SH3D19: variants seen among roughly 807,000 people sequenced by gnomAD.
SH3D19 encodes the protein SH3 domain-containing protein 19.
In SH3D19, 58 loss-of-function variants were observed where a neutral mutation model predicts 112.1. That is an observed-to-expected ratio of 0.52 (90% CI 0.42 to 0.64). SH3D19 has a LOEUF of 0.64. Among genes scored for constraint, SH3D19 ranks in the 30% least tolerant of loss-of-function variants. SH3D19 has a pLI of 0.00. For synonymous variants in SH3D19, 391 were observed against 448.5 expected (o/e 0.87, Z 1.62); for missense variants, 1,090 against 1,263.4 (o/e 0.86, Z 2.08).
rs34219685 is a variant in SH3D19, at chr4:151,148,254, T to TACACACAC, written c.1818-76_1818-69dup. The TACACACAC allele has an allele frequency of 3.9e-3, 3,860 of 983,470 alleles. 94 individuals are homozygous for TACACACAC. The African/African-American group carries it at 0.058, about 15-fold the overall frequency. The allele number at this position is 983,470 out of a possible 1,614,324, so 60.9% of individuals were successfully genotyped here. ...TATTAAATTCTGTCCTGTCCTGTCT[T>TACACACAC]ACACACACACACACACACACACACA... On this transcript the variant is annotated intron_variant, in intron 10 of 19. Transcript: ENST00000604030.
At chr4:151,267,523 G>A (rs1772901031) in intron 1 of SH3D19, among the ~76,000 whole-genome samples, 1 of 152,034 alleles carries the variant, frequency 6.6e-6, no homozygotes, top group Non-Finnish European at 1.5e-5. Flanking sequence ...TTTTCCTTCT[G>A]AATAGATAAA....
intron 1 of SH3D19, among the ~76,000 whole-genome samples, chr4:151,269,076 A>T (rs1773036450): frequency 6.6e-6 from 1 of 152,154 alleles, no homozygotes; most frequent in Non-Finnish European, 1.5e-5. Flanking sequence ...AAGTGTTCCT[A>T]TTTCTCCACA....
chr4:151,227,635 T>C, intron 1 of SH3D19: 1 of 449,240 alleles, frequency 2.2e-6, no homozygotes, highest in Non-Finnish European at 2.9e-6. Flanking sequence ...AAATCATTTC[T>C]CTCAATCATT....
chr4:151,277,887 A>C (rs1467228950), intron 1 of SH3D19, among the ~76,000 whole-genome samples: 1 of 152,122 alleles, frequency 6.6e-6, no homozygotes, highest in East Asian at 1.9e-4. Flanking sequence ...CAAAAAATAC[A>C]AAAATTAGCC....
chr4:151,316,799 G>A (rs1460051752), intron 1 of SH3D19, among the ~76,000 whole-genome samples: 3 of 152,190 alleles, frequency 2.0e-5, no homozygotes, highest in Non-Finnish European at 4.4e-5. Flanking sequence ...GCAAGGACTC[G>A]TTCCAGCTGC....
At chr4:151,127,795 C>G in intron 18 of SH3D19, 80 bp from the exon 19 acceptor site, 2 of 741,616 alleles carry the variant, frequency 2.7e-6, no homozygotes, top group Admixed American at 7.5e-5. Flanking sequence ...AAAAAAAACG[C>G]TTATCGCTCT....
At chr4:151,207,395 T>C (rs1288348387) in intron 2 of SH3D19, among the ~76,000 whole-genome samples, 1 of 152,192 alleles carries the variant, frequency 6.6e-6, no homozygotes, top group Non-Finnish European at 1.5e-5. Flanking sequence ...GTGGCCTATC[T>C]TTTCCTACTT....
At position 151,174,767 on chromosome 4, in the gene SH3D19, G is replaced by C. The variant is rs1203875523; in HGVS notation, c.1437C>G (p.Pro479=). The C allele has an allele frequency of 1.3e-6, 2 of 1,538,886 alleles. No individual in the cohort carries two copies. The highest frequency in any genetic ancestry group is 2.8e-5 in the African/African-American group (2 of 72,158). Residue 479 remains proline, a synonymous_variant, in exon 7 of 20, where the codon CCC becomes CCG. Coordinates refer to ENST00000604030, the MANE Select transcript of SH3D19 (RefSeq NM_001378122.1). ...AGCTGATGAGATCGATGTCCACCAAGGGCTTGCTCTGCAGAACTGGAACTG... is the reference window on the plus strand; with the variant it reads ...AGCTGATGAGATCGATGTCCACCAACGGCTTGCTCTGCAGAACTGGAACTG... ...NPPVPVLQSK[P]LVDIDLISFD...
At chr4:151,168,593 C>A (rs934133080) in intron 7 of SH3D19, among the ~76,000 whole-genome samples, 3 of 151,932 alleles carry the variant, frequency 2.0e-5, no homozygotes, top group Admixed American at 2.0e-4. Flanking sequence ...TGCCACCATG[C>A]CTGGCTAATT....
At chr4:151,212,571 C>T (rs571293417) in intron 2 of SH3D19, among the ~76,000 whole-genome samples, 1 of 152,296 alleles carries the variant, frequency 6.6e-6, no homozygotes, top group South Asian at 2.1e-4. Flanking sequence ...ATATTTTAAG[C>T]CCACTCTTGA....
At chr4:151,208,735 T>A (rs1765486333) in intron 2 of SH3D19, among the ~76,000 whole-genome samples, 1 of 148,402 alleles carries the variant, frequency 6.7e-6, no homozygotes, top group Non-Finnish European at 1.5e-5. Flanking sequence ...TGGAGTGCAG[T>A]GGCATGATCT....
intron 1 of SH3D19, among the ~76,000 whole-genome samples, chr4:151,250,582 A>T (rs1771289007): frequency 6.6e-6 from 1 of 152,194 alleles, no homozygotes. Context: ...GGAGACAATA[A>T]GGAAGAAAAC....
At chr4:151,174,365 C>T (rs1461645637) in intron 7 of SH3D19, among the ~76,000 whole-genome samples, 1 of 152,204 alleles carries the variant, frequency 6.6e-6, no homozygotes, top group African/African-American at 2.4e-5. Context: ...TATAGTTTAG[C>T]TCCTAGCCCC....
intron 3 of SH3D19, among the ~76,000 whole-genome samples, chr4:151,186,366 A>T (rs1761774614): frequency 6.6e-6 from 1 of 152,258 alleles, no homozygotes; most frequent in South Asian, 2.1e-4. Context: ...GCACTTATAC[A>T]GTTAAAAAAT....
intron 9 of SH3D19, among the ~76,000 whole-genome samples, chr4:151,155,426 AT>A (rs1397589256): frequency 6.6e-6 from 1 of 152,200 alleles, no homozygotes; most frequent in Non-Finnish European, 1.5e-5. Context: ...CTTCAAAGAA[AT>A]TTTTCTTCTC....
At chr4:151,137,692 T>G (rs771395174) in intron 14 of SH3D19, 40 bp downstream of exon 14, 11 of 1,508,516 alleles carry the variant, frequency 7.3e-6, no homozygotes, top group Non-Finnish European at 8.9e-6. Flanking sequence ...TAGAACCCAC[T>G]GAGTATATGA....
intron 1 of SH3D19, among the ~76,000 whole-genome samples, chr4:151,246,244 T>C (rs1405015194): frequency 6.6e-6 from 1 of 152,220 alleles, no homozygotes; most frequent in East Asian, 1.9e-4. Flanking sequence ...ACTGACAACA[T>C]TTCTATTTCT....
intron 1 of SH3D19, chr4:151,277,317 TGTTA>T (rs1773726372): frequency 9.8e-7 from 1 of 1,017,302 alleles, no homozygotes; most frequent in African/African-American, 1.6e-5. Context: ...ACCCATGGGA[TGTTA>T]GTTATGAGTA....
intron 17 of SH3D19, 118 bp downstream of exon 17, chr4:151,132,213 T>C (rs1190688270): frequency 3.8e-6 from 3 of 782,032 alleles, no homozygotes; most frequent in East Asian, 5.4e-5. Flanking sequence ...ATTACAAACA[T>C]TTGTTGTATG....
Sources: gnomAD v4.1 joint callset for allele counts (sites outside exome capture counted in the v4.1 genomes callset) on GRCh38, gnomAD v4.1.1 for gene constraint, MANE v1.5 for transcripts, NCBI Gene and HGNC (gene_info 2026-07-23, HGNC 2026-07-21) for gene names.